SNX25: variants seen among roughly 807,000 people sequenced by gnomAD.
The protein encoded by SNX25 is sorting nexin 25.
A neutral mutation model predicts 113.7 loss-of-function variants in SNX25; 62 were observed. That is an observed-to-expected ratio of 0.55 (90% CI 0.44 to 0.67). The LOEUF (loss-of-function observed/expected upper bound fraction) is 0.67, where lower values mean the gene tolerates loss of function less well. SNX25 is among the 30% of genes least tolerant of loss of function. The pLI is 0.00. For missense variants in SNX25, 1,014 were observed against 1,161.0 expected (o/e 0.87, Z 1.84); for synonymous variants, 421 against 436.2 (o/e 0.97, Z 0.43).
At chr4:185,269,309 T>A (rs1201576266) in intron 5 of SNX25, among the ~76,000 whole-genome samples, 1 of 152,216 alleles carries the variant, frequency 6.6e-6, no homozygotes, top group East Asian at 1.9e-4. Context: ...TATTCAAACC[T>A]ATACTCGAAT....
chr4:185,299,714 C>T (rs570494654), intron 6 of SNX25, among the ~76,000 whole-genome samples: 1 of 152,290 alleles, frequency 6.6e-6, no homozygotes, highest in East Asian at 1.9e-4. Flanking sequence ...TGTAGGAATT[C>T]TAGTAGCTAT....
chr4:185,368,554 G>A (rs774709843), downstream of SNX25, among the ~76,000 whole-genome samples: 40 of 152,148 alleles, frequency 2.6e-4, no homozygotes, highest in Non-Finnish European at 4.7e-4. Context: ...TTGCTCTGAG[G>A]GAGACCATTT....
At chr4:185,239,467 G>GCGA (rs1743283411) in intron 1 of SNX25, among the ~76,000 whole-genome samples, 1 of 151,472 alleles carries the variant, frequency 6.6e-6, no homozygotes, top group African/African-American at 2.4e-5. Context: ...TGGCAACAGA[G>GCGA]TGAGACTCCG....
chr4:185,220,513 C>G (rs934324062), intron 1 of SNX25, among the ~76,000 whole-genome samples: 5 of 143,396 alleles, frequency 3.5e-5, no homozygotes, highest in African/African-American at 1.3e-4. Context: ...GATGGAGTCT[C>G]GCTCTGTCAC....
intron 2 of SNX25, among the ~76,000 whole-genome samples, chr4:185,253,625 C>T (rs537543088): frequency 2.7e-4 from 41 of 152,118 alleles, no homozygotes; most frequent in African/African-American, 9.2e-4. Flanking sequence ...TGAGCTACCA[C>T]GCCCGGCTAA....
chr4:185,293,798 G>T (rs1364839471), intron 6 of SNX25, among the ~76,000 whole-genome samples: 1 of 151,986 alleles, frequency 6.6e-6, no homozygotes, highest in Non-Finnish European at 1.5e-5. Context: ...TTGTAGTAAT[G>T]AAAACATTTC....
intron 1 of SNX25, among the ~76,000 whole-genome samples, chr4:185,216,922 C>G (rs773489578): frequency 3.0e-4 from 45 of 152,008 alleles, no homozygotes; most frequent in Non-Finnish European, 6.2e-4. Flanking sequence ...GTACATGTAC[C>G]GTTTGAGATT....
At chr4:185,325,808 G>A (rs1010059188) in intron 9 of SNX25, among the ~76,000 whole-genome samples, 4 of 152,118 alleles carry the variant, frequency 2.6e-5, no homozygotes, top group African/African-American at 4.8e-5. Flanking sequence ...CTGTCAAAAA[G>A]TGACATTCTT....
At chr4:185,313,545 G>A (rs763142715) in intron 7 of SNX25, among the ~76,000 whole-genome samples, 62 of 152,112 alleles carry the variant, frequency 4.1e-4, no homozygotes, top group Non-Finnish European at 8.4e-4. Context: ...TCTAAATAAG[G>A]CTTCCATCAA....
At chr4:185,240,273 G>C (rs1743542235) in intron 1 of SNX25, among the ~76,000 whole-genome samples, 1 of 152,154 alleles carries the variant, frequency 6.6e-6, no homozygotes, top group African/African-American at 2.4e-5. Context: ...TTCTCAATGA[G>C]CTGTTGAGTA....
rs537309906 is a variant in SNX25, at chr4:185,297,707, G to A, written c.1162+9625G>A. ...GCCCTCTTGCTGGTTTGCAGATGGC[G>A]TCCTTGCTATATCCTCACGTGGTAG... On this transcript the variant is annotated intron_variant, in intron 6 of 18. Coordinates refer to ENST00000652585, the MANE Select transcript of SNX25 (RefSeq NM_001378034.2). Among the ~76,000 whole-genome samples the A allele has an allele frequency of 6.6e-5, 10 of 152,266 alleles. No homozygotes were observed. The South Asian group carries it at 1.0e-3, about 16-fold the overall frequency.
the SNX25 span, chr4:185,376,762 T>C: frequency 4.9e-6 from 3 of 606,760 alleles, no homozygotes; most frequent in Non-Finnish European, 8.7e-6. Context: ...CAGCACTGTA[T>C]CCTACTGTTA....
intron 1 of SNX25, among the ~76,000 whole-genome samples, chr4:185,238,312 T>C (rs1048692528): frequency 3.3e-5 from 5 of 152,076 alleles, no homozygotes; most frequent in African/African-American, 1.2e-4. Context: ...GTGTTCTTTC[T>C]CTTAACACGG....
chr4:185,272,392 G>C (rs568085613), intron 5 of SNX25, among the ~76,000 whole-genome samples: 1 of 152,310 alleles, frequency 6.6e-6, no homozygotes, highest in East Asian at 1.9e-4. Context: ...AGAAATGAAA[G>C]GTTTGCCCTT....
intron 5 of SNX25, among the ~76,000 whole-genome samples, chr4:185,268,821 T>C (rs182862273): frequency 6.6e-6 from 1 of 152,310 alleles, no homozygotes; most frequent in Admixed American, 6.5e-5. Context: ...AATGACAGCT[T>C]CAATTTACAA....
At chr4:185,303,709 C>G (rs938407799) in intron 6 of SNX25, among the ~76,000 whole-genome samples, 22 of 151,452 alleles carry the variant, frequency 1.5e-4, no homozygotes, top group African/African-American at 5.1e-4. Flanking sequence ...GTGGGCACAC[C>G]CTGGCCGGGC....
rs1451278170 is a variant in SNX25 at position 185,257,086 on chromosome 4, T to C, written c.515-1762T>C. 2.7e-5 allele frequency among the ~76,000 whole-genome samples: 4 copies of C among 150,116 alleles called. No individual in the cohort carries two copies. In the East Asian group the frequency reaches 7.8e-4, roughly 29 times the overall value. On this transcript the variant is annotated intron_variant, in intron 2 of 18. Transcript: ENST00000652585. ...CGTAGGATTCCCAGGGATAAAGTAG[T>C]GTGCAGACAAGCAAAGAAAAGCAGG...
At chr4:185,293,620 T>C (rs1057263198) in intron 6 of SNX25, among the ~76,000 whole-genome samples, 7 of 152,228 alleles carry the variant, frequency 4.6e-5, no homozygotes, top group African/African-American at 1.7e-4. Context: ...TACATTATAT[T>C]TTTTATTGAA....
intron 9 of SNX25, among the ~76,000 whole-genome samples, chr4:185,324,437 A>C (rs78741177): frequency 0.013 from 1,910 of 152,270 alleles, 41 homozygotes; most frequent in African/African-American, 0.043. Context: ...CTTACAGACT[A>C]AAGAGTATTT....
Sources: gnomAD v4.1 joint callset for allele counts (sites outside exome capture counted in the v4.1 genomes callset) on GRCh38, gnomAD v4.1.1 for gene constraint, MANE v1.5 for transcripts, NCBI Gene and HGNC (gene_info 2026-07-23, HGNC 2026-07-21) for gene names.